The following OSBP2 variants were observed in gnomAD, a reference collection of about 807,000 sequenced individuals.
OSBP2 encodes the protein oxysterol binding protein 2, also known as oxysterol-binding protein 2.
A neutral mutation model predicts 96.0 loss-of-function variants in OSBP2; 66 were observed. The observed-to-expected ratio is 0.69, with a 90% CI of 0.56 to 0.84. The LOEUF is 0.84. Among genes scored for constraint, OSBP2 ranks in the 40% least tolerant of loss-of-function variants. The probability of loss-of-function intolerance (pLI) is 0.00; values close to 1 mark genes in which losing one functional copy is unlikely to be tolerated. For synonymous variants in OSBP2, 525 were observed against 520.9 expected (o/e 1.01, Z -0.11); for missense variants, 1,038 against 1,222.7 (o/e 0.85, Z 2.25).
Position 30,863,677 on chromosome 22 carries a change from C to A in OSBP2, c.854-6752C>A, listed in dbSNP as rs1569155574. Among the ~76,000 whole-genome samples, 5 of 152,286 alleles carry A rather than the reference C, an allele frequency of 3.3e-5. No individual in the cohort carries two copies. The South Asian group carries it at 1.0e-3, about 32-fold the overall frequency. On this transcript the variant is annotated intron_variant, in intron 2 of 13. Transcript: ENST00000332585. Reference sequence around the variant, plus strand: ...CCATTCCCAGTCCTGCATACTTGAACTTCGCTCTGCAGAGAGGGGAGGGAC... The same window carrying A: ...CCATTCCCAGTCCTGCATACTTGAAATTCGCTCTGCAGAGAGGGGAGGGAC...
intron 2 of OSBP2, among the ~76,000 whole-genome samples, chr22:30,793,987 T>C (rs2090718256): frequency 6.6e-6 from 1 of 152,216 alleles, no homozygotes; most frequent in Admixed American, 6.5e-5. Context: ...TATTCAGCTT[T>C]TAAAAGGAAG....
intron 2 of OSBP2, among the ~76,000 whole-genome samples, chr22:30,844,153 G>A (rs2038818771): frequency 6.6e-6 from 1 of 152,156 alleles, no homozygotes; most frequent in East Asian, 1.9e-4. Context: ...AGGATTACAA[G>A]CATGAGCCAC....
chr22:30,724,087 G>A lies in OSBP2; in HGVS notation c.645-17074G>A, dbSNP rs753489762. ...CCAAGCAACCACTGATCTTTTTACC[G>A]TCTCCATTAGTTTTGCCTTTTCCAG... On this transcript the variant is annotated intron_variant, in intron 1 of 13. Coordinates refer to ENST00000332585, the MANE Select transcript of OSBP2 (RefSeq NM_030758.4). Among the ~76,000 whole-genome samples the A allele has an allele frequency of 6.6e-5, 10 of 152,148 alleles. No individual in the cohort carries two copies. The South Asian group carries it at 8.3e-4, about 13-fold the overall frequency.
chr22:30,863,977 T>G (rs1341323842), intron 2 of OSBP2, among the ~76,000 whole-genome samples: 2 of 143,238 alleles, frequency 1.4e-5, no homozygotes, highest in Non-Finnish European at 3.1e-5. Context: ...TTTTTTGTTG[T>G]TTTTTTTTTT....
At position 30,907,308 on chromosome 22, in the gene OSBP2, T is replaced by C. The variant is rs1041850373; in HGVS notation, c.*969T>C. 6.6e-6 allele frequency: 1 copy of C among 151,790 alleles called. No homozygotes were observed. Among genetic ancestry groups the C allele is most frequent in the African/African-American group, 2.4e-5 (1 of 41,260 alleles). The allele number at this position is 151,790 out of a possible 1,614,324, so 9.4% of individuals were successfully genotyped here. A position where few individuals can be genotyped will look rare whatever the true frequency, so the allele number is the denominator to read the frequency against. ...TCTCAGTGTCCCCTGAACTCTTTAT[T>C]TGCCTAATTTATATATATATATATG... On this transcript the variant is annotated 3_prime_UTR_variant, in exon 14 of 14. Transcript: ENST00000332585.
Position 30,906,540 on chromosome 22 carries a change from C to A in OSBP2, c.*201C>A, listed in dbSNP as rs1209933461. On this transcript the variant is annotated 3_prime_UTR_variant, in exon 14 of 14. Coordinates refer to ENST00000332585, the MANE Select transcript of OSBP2 (RefSeq NM_030758.4). ...AGGGCTGACCTGGGTTCTCTCCAGC[C>A]CCCAGGTGCGCCGGGTCACCCGTGC... 5.2e-6 allele frequency: 3 copies of A among 572,120 alleles called. No homozygotes were observed. The highest frequency in any genetic ancestry group is 6.9e-5 in the South Asian group (2 of 29,156). 35.4% of individuals were successfully genotyped at this position (572,120 alleles called of 1,614,324 possible).
intron 12 of OSBP2, among the ~76,000 whole-genome samples, chr22:30,900,878 G>C (rs918363735): frequency 6.6e-6 from 1 of 152,094 alleles, no homozygotes; most frequent in Non-Finnish European, 1.5e-5. Context: ...TCATATATTT[G>C]ACCATATTAA....
At chr22:30,898,806 T>C (rs2040123072) in intron 12 of OSBP2, among the ~76,000 whole-genome samples, 1 of 151,728 alleles carries the variant, frequency 6.6e-6, no homozygotes, top group Non-Finnish European at 1.5e-5. Flanking sequence ...GGAGGATTGC[T>C]TGAGTTGAAG....
At chr22:30,787,220 A>G (rs2090603346) in intron 2 of OSBP2, among the ~76,000 whole-genome samples, 1 of 152,202 alleles carries the variant, frequency 6.6e-6, no homozygotes, top group Admixed American at 6.6e-5. Flanking sequence ...ACAGTTGAGT[A>G]TGGCTGGGGA....
chr22:30,789,437 T>C (rs1794423378), intron 2 of OSBP2, among the ~76,000 whole-genome samples: 1 of 152,192 alleles, frequency 6.6e-6, no homozygotes, highest in African/African-American at 2.4e-5. Flanking sequence ...TCCGGTCTGC[T>C]TTCTCTACAC....
intron 2 of OSBP2, among the ~76,000 whole-genome samples, chr22:30,756,443 C>T (rs1005234796): frequency 3.3e-5 from 5 of 152,146 alleles, no homozygotes; most frequent in African/African-American, 9.7e-5. Flanking sequence ...AACCCCAGCA[C>T]TTTGACTTTG....
chr22:30,863,004 T>A (rs1453579243), intron 2 of OSBP2, among the ~76,000 whole-genome samples: 2 of 151,412 alleles, frequency 1.3e-5, no homozygotes, highest in African/African-American at 2.4e-5. Context: ...ATCAACAGAC[T>A]TGGGGTCTTG....
chr22:30,838,986 CA>C lies in OSBP2; in HGVS notation c.854-31442del, dbSNP rs1334851437. Among the ~76,000 whole-genome samples, 30 of 103,042 alleles carry C rather than the reference CA, an allele frequency of 2.9e-4. 1 individual carries two copies. The highest frequency in any genetic ancestry group is 5.0e-4 in the Non-Finnish European group (25 of 50,382). 67.6% of individuals were successfully genotyped at this position (103,042 alleles called of 152,430 possible). On this transcript the variant is annotated intron_variant, in intron 2 of 13. Coordinates refer to ENST00000332585, the MANE Select transcript of OSBP2 (RefSeq NM_030758.4). ...ATATACCTAATCTCCCCCCTCCCCC[CA>C]CCCTTCCCCCCTCCCCCCACCCCAC...
At chr22:30,735,530 G>A (rs1238118676) in intron 1 of OSBP2, among the ~76,000 whole-genome samples, 1 of 149,364 alleles carries the variant, frequency 6.7e-6, no homozygotes, top group African/African-American at 2.5e-5. Flanking sequence ...GAGACTGGTC[G>A]TGATCTCCTG....
rs1447659619 is a variant in OSBP2 at position 30,726,466 on chromosome 22, A to G, written c.645-14695A>G. ...GGACACGGGGAGGGGAACATCACACACTGGGGTCTGTCAGAGGGTGGGGAC... is the reference window on the plus strand; with the variant it reads ...GGACACGGGGAGGGGAACATCACACGCTGGGGTCTGTCAGAGGGTGGGGAC... On this transcript the variant is annotated intron_variant, in intron 1 of 13. Transcript: ENST00000332585. Among the ~76,000 whole-genome samples, 3 of 151,780 alleles carry G rather than the reference A, an allele frequency of 2.0e-5. No individual in the cohort carries two copies. In the East Asian group the frequency reaches 5.8e-4, roughly 29 times the overall value.
chr22:30,747,762 C>T lies in OSBP2; in HGVS notation c.853+6393C>T, dbSNP rs970768810. Reference sequence around the variant, plus strand: ...CCTAGAACACATCTGACTGGTGTCCCATCTTCGGAGCTCAGCCTAATGTCA... The same window carrying T: ...CCTAGAACACATCTGACTGGTGTCCTATCTTCGGAGCTCAGCCTAATGTCA... On this transcript the variant is annotated intron_variant, in intron 2 of 13. Transcript: ENST00000332585. Among the ~76,000 whole-genome samples the T allele has an allele frequency of 1.6e-4, 24 of 152,308 alleles. 3 individuals carry two copies. The highest frequency in any genetic ancestry group is 1.4e-3 in the Admixed American group (21 of 15,292).
At chr22:30,695,677 C>G in intron 1 of OSBP2, 124 bp downstream of exon 1, 1 of 1,476,340 alleles carries the variant, frequency 6.8e-7, no homozygotes, top group South Asian at 1.4e-5. Flanking sequence ...GGCATGCATT[C>G]CAGCAGGCCA....
chr22:30,888,424 A>C (rs1428416265), intron 5 of OSBP2, 84 bp downstream of exon 5: 1 of 867,274 alleles, frequency 1.2e-6, no homozygotes, highest in East Asian at 2.4e-5. Context: ...CTAGTTGTCT[A>C]CTTGGGGTTT....
At chr22:30,867,912 A>T (rs1172996547) in intron 2 of OSBP2, among the ~76,000 whole-genome samples, 1 of 152,172 alleles carries the variant, frequency 6.6e-6, no homozygotes, top group Non-Finnish European at 1.5e-5. Flanking sequence ...GCCGGGGGCC[A>T]TTCTGATGGA....
Sources: gnomAD v4.1 joint callset for allele counts (sites outside exome capture counted in the v4.1 genomes callset) on GRCh38, gnomAD v4.1.1 for gene constraint, MANE v1.5 for transcripts, NCBI Gene and HGNC (gene_info 2026-07-23, HGNC 2026-07-21) for gene names.